The following BCKDHB variants were observed in gnomAD, a reference collection of about 807,000 sequenced individuals.
The protein encoded by BCKDHB is 2-oxoisovalerate dehydrogenase subunit beta, mitochondrial.
BCKDHB carries 41 observed loss-of-function variants against 48.5 expected under a neutral mutation model. The ratio of observed to expected loss-of-function variants is 0.85; its 90% CI spans 0.66 to 1.10. The LOEUF is 1.10. Ranked by LOEUF, BCKDHB falls within the 50% of genes least tolerant of loss-of-function variation. The pLI, the probability that BCKDHB is intolerant of heterozygous loss-of-function variation, is 0.00. For missense variants in BCKDHB, 496 were observed against 494.2 expected, an observed-to-expected ratio of 1.00 and a Z score of -0.03; for synonymous variants, 201 against 174.8, an observed-to-expected ratio of 1.15 and a Z score of -1.18.
intron 6 of BCKDHB, among the ~76,000 whole-genome samples, chr6:80,185,598 T>G (rs77445391): frequency 0.011 from 1,631 of 152,306 alleles, 34 homozygotes; most frequent in African/African-American, 0.037. Context: ...CAGATTCTTT[T>G]GTCCTGTGGG....
At chr6:80,137,270 G>A (rs1422352723) in intron 3 of BCKDHB, among the ~76,000 whole-genome samples, 1 of 152,022 alleles carries the variant, frequency 6.6e-6, no homozygotes, top group Non-Finnish European at 1.5e-5. Flanking sequence ...GGGTACAAAC[G>A]GTCACTGTAT....
chr6:80,388,503 A>G, the BCKDHB span, among the ~76,000 whole-genome samples: 7 of 152,198 alleles, frequency 4.6e-5, no homozygotes, highest in African/African-American at 9.7e-5. Flanking sequence ...TGAACTGCCT[A>G]TCATGAACTG....
chr6:80,372,912 T>A, the BCKDHB span, among the ~76,000 whole-genome samples: 1 of 152,160 alleles, frequency 6.6e-6, no homozygotes, highest in Non-Finnish European at 1.5e-5. Context: ...GTATTTTTCT[T>A]TTTCTGTTAT....
the BCKDHB span, among the ~76,000 whole-genome samples, chr6:80,444,230 G>T: frequency 6.6e-6 from 1 of 151,958 alleles, no homozygotes; most frequent in Non-Finnish European, 1.5e-5. Context: ...ACTTTGACTT[G>T]TAGATGTTTG....
intron 9 of BCKDHB, among the ~76,000 whole-genome samples, chr6:80,328,738 T>C (rs1725258396): frequency 6.6e-6 from 1 of 152,176 alleles, no homozygotes; most frequent in South Asian, 2.1e-4. Flanking sequence ...GGTAGCAAAA[T>C]TATTATGGTA....
At chr6:80,291,690 G>T (rs540142693) in intron 9 of BCKDHB, among the ~76,000 whole-genome samples, 1 of 151,988 alleles carries the variant, frequency 6.6e-6, no homozygotes, top group Admixed American at 6.6e-5. Context: ...AGAGATCACT[G>T]GTTGGTTCAC....
chr6:80,196,074 T>C (rs1489840717), intron 6 of BCKDHB, among the ~76,000 whole-genome samples: 1 of 152,174 alleles, frequency 6.6e-6, no homozygotes, highest in Non-Finnish European at 1.5e-5. Flanking sequence ...TCTGTAATGG[T>C]AATAGTGTGC....
At chr6:80,297,972 AT>A (rs970897592) in intron 9 of BCKDHB, among the ~76,000 whole-genome samples, 134 of 150,704 alleles carry the variant, frequency 8.9e-4, no homozygotes, top group African/African-American at 1.3e-3. Flanking sequence ...AAAACAGAGG[AT>A]TTTTTTTTTC....
chr6:80,230,023 G>GTTTTTTTTT (rs1215666594), intron 8 of BCKDHB, among the ~76,000 whole-genome samples: 12 of 89,504 alleles, frequency 1.3e-4, no homozygotes, highest in South Asian at 1.2e-3. Context: ...GGGTTTTTAG[G>GTTTTTTTTT]TTGTTTTTTT....
At chr6:80,412,275 C>T in the BCKDHB span, among the ~76,000 whole-genome samples, 1 of 151,438 alleles carries the variant, frequency 6.6e-6, no homozygotes, top group Admixed American at 6.6e-5. Context: ...TCTTGAGTAG[C>T]TGGGACTACA....
the BCKDHB span, among the ~76,000 whole-genome samples, chr6:80,403,918 G>T: frequency 6.6e-6 from 1 of 151,880 alleles, no homozygotes; most frequent in African/African-American, 2.4e-5. Flanking sequence ...TGCATCTGGG[G>T]GATAAATGCC....
chr6:80,149,558 G>C (rs1771658466), intron 3 of BCKDHB, among the ~76,000 whole-genome samples: 1 of 151,538 alleles, frequency 6.6e-6, no homozygotes, highest in Non-Finnish European at 1.5e-5. Context: ...ATTCACAATA[G>C]CAAAGACTTG....
chr6:80,261,602 C>T (rs961909986), intron 8 of BCKDHB, among the ~76,000 whole-genome samples: 1 of 152,046 alleles, frequency 6.6e-6, no homozygotes, highest in African/African-American at 2.4e-5. Flanking sequence ...TACACGAATC[C>T]ACCACTATCA....
chr6:80,148,494 T>G (rs1447582467), intron 3 of BCKDHB, among the ~76,000 whole-genome samples: 1 of 152,126 alleles, frequency 6.6e-6, no homozygotes, highest in South Asian at 2.1e-4. Context: ...GGGGTTTCTT[T>G]CACTATTGTT....
chr6:80,458,362 G>C, the BCKDHB span, among the ~76,000 whole-genome samples: 5 of 152,352 alleles, frequency 3.3e-5, no homozygotes, highest in African/African-American at 1.2e-4. Flanking sequence ...GCACATGACA[G>C]AGGCTGGGCA....
Position 80,230,260 on chromosome 6 carries a change from G to A in BCKDHB, c.951+27048G>A, listed in dbSNP as rs982595037. 1.5e-4 allele frequency among the ~76,000 whole-genome samples: 23 copies of A among 151,216 alleles called. No homozygotes were observed. The East Asian group carries it at 2.3e-3, about 15-fold the overall frequency. On this transcript the variant is annotated intron_variant, in intron 8 of 9. Transcript: ENST00000320393. ...TCACCGTGTTAGCCAGGATGGTCTC[G>A]ATCTCCTGACCTCGTGATCCGCCCG...
chr6:80,177,469 T>C (rs1020245196), intron 6 of BCKDHB, among the ~76,000 whole-genome samples: 1 of 151,602 alleles, frequency 6.6e-6, no homozygotes, highest in Non-Finnish European at 1.5e-5. Context: ...TCTAGAGAGA[T>C]AAAGAGAAAG....
chr6:80,214,572 G>A (rs1334995802), intron 8 of BCKDHB, among the ~76,000 whole-genome samples: 2 of 152,182 alleles, frequency 1.3e-5, no homozygotes, highest in Non-Finnish European at 2.9e-5. Context: ...AACAGTTGAG[G>A]GGTTGGGATG....
At chr6:80,190,663 A>G (rs1773852519) in intron 6 of BCKDHB, among the ~76,000 whole-genome samples, 1 of 152,188 alleles carries the variant, frequency 6.6e-6, no homozygotes, top group Non-Finnish European at 1.5e-5. Context: ...TTATTTCATA[A>G]AAGGTGACCT....
Sources: allele counts gnomAD v4.1 joint callset (sites outside exome capture counted in the v4.1 genomes callset), GRCh38; gene constraint gnomAD v4.1.1; transcripts MANE v1.5; gene names NCBI Gene and HGNC (gene_info 2026-07-23, HGNC 2026-07-21).